Variants in CSMD3 observed in about 807,000 individuals in gnomAD.
The protein encoded by CSMD3 is CUB and Sushi multiple domains 3.
A neutral mutation model predicts 435.2 loss-of-function variants in CSMD3; 177 were observed. That is an observed-to-expected ratio of 0.41 (90% CI 0.36 to 0.46). The LOEUF is 0.46. CSMD3 is among the 20% of genes least tolerant of loss of function. CSMD3 has a pLI of 0.34. For synonymous variants in CSMD3, 1,656 were observed against 1,520.5 expected (o/e 1.09, Z -2.07); for missense variants, 4,265 against 4,504.6 (o/e 0.95, Z 1.52).
intron 5 of CSMD3, among the ~76,000 whole-genome samples, chr8:113,057,788 T>C (rs2088415046): frequency 6.6e-6 from 1 of 151,914 alleles, no homozygotes; most frequent in Admixed American, 6.6e-5. Flanking sequence ...TCAAAATAAT[T>C]ACTAATTTTA....
intron 7 of CSMD3, among the ~76,000 whole-genome samples, chr8:112,968,358 T>C (rs1348963289): frequency 6.6e-6 from 1 of 151,958 alleles, no homozygotes; most frequent in East Asian, 1.9e-4. Context: ...ATTATTAAGA[T>C]ATTATTTGAT....
At chr8:112,451,647 TC>T (rs1238012861) in intron 32 of CSMD3, among the ~76,000 whole-genome samples, 4 of 152,090 alleles carry the variant, frequency 2.6e-5, no homozygotes, top group Non-Finnish European at 4.4e-5. Context: ...CAAGCGATTG[TC>T]CTGCCTCAGC....
intron 2 of CSMD3, among the ~76,000 whole-genome samples, chr8:113,286,829 G>A (rs2093650201): frequency 6.6e-6 from 1 of 151,872 alleles, no homozygotes; most frequent in Non-Finnish European, 1.5e-5. Context: ...TTAGCATATT[G>A]CTGCTTATAA....
intron 38 of CSMD3, among the ~76,000 whole-genome samples, chr8:112,377,153 C>T (rs954721856): frequency 1.3e-5 from 2 of 151,130 alleles, no homozygotes; most frequent in Admixed American, 6.6e-5. Context: ...TTTAAAAACA[C>T]TTATAATAAA....
intron 4 of CSMD3, among the ~76,000 whole-genome samples, chr8:113,144,876 T>C (rs1165270678): frequency 6.6e-6 from 1 of 151,540 alleles, no homozygotes; most frequent in Non-Finnish European, 1.5e-5. Flanking sequence ...AAAATAAAAG[T>C]ATAGTATTAT....
rs1033847355 is a variant in CSMD3, at chr8:112,852,704, C to T, written c.1755+6441G>A. 4.0e-5 allele frequency among the ~76,000 whole-genome samples: 6 copies of T among 151,792 alleles called. No homozygotes were observed. The East Asian group carries it at 5.8e-4, about 15-fold the overall frequency. ...TTGGGAGGCCGAGGTGGGTGGATCGCGAGGTCAGGAGATTGAGACCATCCT... is the reference window on the plus strand; with the variant it reads ...TTGGGAGGCCGAGGTGGGTGGATCGTGAGGTCAGGAGATTGAGACCATCCT... On this transcript the variant is annotated intron_variant, in intron 11 of 70. Coordinates refer to ENST00000297405, the MANE Select transcript of CSMD3 (RefSeq NM_198123.2).
rs115622039 is a variant in CSMD3, at chr8:112,518,022, T to C, written c.4565-797A>G. Among the ~76,000 whole-genome samples the C allele has an allele frequency of 6.4e-3, 982 of 152,282 alleles. 12 individuals are homozygous for C. Among genetic ancestry groups the C allele is most frequent in the African/African-American group, 0.022 (926 of 41,558 alleles). On this transcript the variant is annotated intron_variant, in intron 27 of 70. Transcript: ENST00000297405. ...ATAACTAGGAACAACCCAAATGTCA[T>C]TCAACAGGTAAATGTTTAAACGATG...
chr8:112,847,530 A>G (rs114347701), intron 11 of CSMD3, among the ~76,000 whole-genome samples: 1,616 of 152,138 alleles, frequency 0.011, 29 homozygotes, highest in African/African-American at 0.036. Flanking sequence ...CACTCCCTTA[A>G]TAGTTTCTCC....
At chr8:112,554,279 T>C (rs1321709747) in intron 25 of CSMD3, among the ~76,000 whole-genome samples, 7 of 151,952 alleles carry the variant, frequency 4.6e-5, no homozygotes, top group Non-Finnish European at 7.4e-5. Flanking sequence ...CTGACTGATA[T>C]ACCCATGGAG....
intron 45 of CSMD3, among the ~76,000 whole-genome samples, chr8:112,324,464 T>C (rs768445788): frequency 2.6e-5 from 4 of 152,042 alleles, no homozygotes; most frequent in Non-Finnish European, 5.9e-5. Context: ...CCATAATAGG[T>C]GCTGGAAATG....
chr8:113,136,058 T>C (rs528092755), intron 4 of CSMD3, among the ~76,000 whole-genome samples: 4 of 151,748 alleles, frequency 2.6e-5, no homozygotes, highest in Non-Finnish European at 5.9e-5. Context: ...AGACATAGTA[T>C]GGGAGAAAGA....
chr8:113,185,487 A>G (rs1168875678), intron 3 of CSMD3, among the ~76,000 whole-genome samples: 1 of 152,026 alleles, frequency 6.6e-6, no homozygotes, highest in African/African-American at 2.4e-5. Context: ...ACACTCCTTT[A>G]GTCCCACTCA....
chr8:112,615,455 T>TA (rs1171194654), intron 22 of CSMD3, among the ~76,000 whole-genome samples: 1 of 152,144 alleles, frequency 6.6e-6, no homozygotes, highest in Non-Finnish European at 1.5e-5. Context: ...GAGTTTTTTT[T>TA]ATCTTTCCAG....
chr8:112,875,262 T>G (rs1458851821), intron 10 of CSMD3, among the ~76,000 whole-genome samples: 1 of 152,234 alleles, frequency 6.6e-6, no homozygotes, highest in Admixed American at 6.5e-5. Context: ...TTCTTCTGGC[T>G]TGTAGGGTTT....
intron 35 of CSMD3, among the ~76,000 whole-genome samples, chr8:112,405,559 T>C (rs1439491430): frequency 6.6e-6 from 1 of 151,668 alleles, no homozygotes; most frequent in African/African-American, 2.4e-5. Context: ...TTAGATAGTA[T>C]ACATTCTATT....
At chr8:113,212,779 C>A (rs555368056) in intron 3 of CSMD3, among the ~76,000 whole-genome samples, 1 of 151,438 alleles carries the variant, frequency 6.6e-6, no homozygotes, top group Non-Finnish European at 1.5e-5. Flanking sequence ...AGGAGATATA[C>A]CTAATGTAAA....
chr8:113,059,040 C>A (rs1005006660), intron 5 of CSMD3, among the ~76,000 whole-genome samples: 3 of 152,050 alleles, frequency 2.0e-5, no homozygotes, highest in African/African-American at 7.2e-5. Context: ...CAATAAATTA[C>A]ATAAAGTAAC....
chr8:112,271,340 A>T (rs879203942), intron 59 of CSMD3, among the ~76,000 whole-genome samples: 1 of 152,196 alleles, frequency 6.6e-6, no homozygotes, highest in Non-Finnish European at 1.5e-5. Flanking sequence ...GCAGAATTCA[A>T]ATTGGTAAAT....
intron 3 of CSMD3, among the ~76,000 whole-genome samples, chr8:113,204,765 C>T (rs2092752713): frequency 6.6e-6 from 1 of 152,036 alleles, no homozygotes; most frequent in South Asian, 2.1e-4. Context: ...CCATCATCTG[C>T]AGTATTCAGT....
Sources: gnomAD v4.1 joint callset for allele counts (sites outside exome capture counted in the v4.1 genomes callset) on GRCh38, gnomAD v4.1.1 for gene constraint, MANE v1.5 for transcripts, NCBI Gene and HGNC (gene_info 2026-07-23, HGNC 2026-07-21) for gene names.